Variants in HELLS observed in about 807,000 individuals in gnomAD.
HELLS encodes the protein lymphoid-specific helicase.
Under a neutral mutation model 120.0 loss-of-function variants are expected in HELLS, and 32 were observed. That is an observed-to-expected ratio of 0.27 (90% CI 0.20 to 0.36). HELLS has a LOEUF of 0.36. HELLS is among the 10% of genes least tolerant of loss of function. HELLS has a pLI of 1.00. For missense variants in HELLS, 650 were observed against 993.4 expected (o/e 0.65, Z 4.65); for synonymous variants, 341 against 323.4 (o/e 1.05, Z -0.58).
Position 94,546,099 on chromosome 10 carries a change from G to A in HELLS, c.31+147G>A, listed in dbSNP as rs1053627786. On this transcript the variant is annotated intron_variant, in intron 1 of 21. Coordinates refer to ENST00000348459, the MANE Select transcript of HELLS (RefSeq NM_018063.5). ...GAGGGTTGGGAAACTGCAACGGTGA[G>A]TGGAGGACACCCCGGAATCGCACGT... is the stretch of plus-strand genomic sequence containing the variant. 14 of 954,774 alleles carry A rather than the reference G, an allele frequency of 1.5e-5. No individual in the cohort carries two copies. In the African/African-American group the frequency reaches 2.3e-4, roughly 16 times the overall value. 59.1% of individuals were successfully genotyped at this position (954,774 alleles called of 1,614,324 possible).
At position 94,593,606 on chromosome 10, in the gene HELLS, T is replaced by C. The variant is rs1360202474; in HGVS notation, c.2079T>C (p.Asp693=). The C allele has an allele frequency of 1.3e-6, 2 of 1,573,406 alleles. No individual in the cohort carries two copies. Among genetic ancestry groups the C allele is most frequent in the South Asian group, 2.2e-5 (2 of 90,292 alleles). The change falls in exon 18 of 22, where the codon GAT becomes GAC. Residue 693 remains aspartate (D), a synonymous_variant. Transcript: ENST00000348459. ...LTAADTVIIY[D]SDWNPQSDLQ... is the part of the protein sequence containing the mutation. The stretch of plus-strand genomic sequence containing the variant: ...CAGCAGATACAGTTATCATTTATGA[T>C]AGTGATTGGGTAAGTTGGAAGTATA...
intron 7 of HELLS, among the ~76,000 whole-genome samples, chr10:94,573,224 C>G (rs753384471): frequency 4.6e-5 from 7 of 152,182 alleles, no homozygotes; most frequent in Non-Finnish European, 1.0e-4. Context: ...TCCCAAAATG[C>G]TGGGATTACA....
intron 9 of HELLS, among the ~76,000 whole-genome samples, chr10:94,608,937 A>C (rs1290483441): frequency 6.6e-6 from 1 of 150,644 alleles, no homozygotes; most frequent in Non-Finnish European, 1.5e-5. Flanking sequence ...CACCCAGCCC[A>C]CAATTTTCTT....
At chr10:94,556,309 T>G (rs552255110) in intron 3 of HELLS, among the ~76,000 whole-genome samples, 1 of 152,312 alleles carries the variant, frequency 6.6e-6, no homozygotes, top group Non-Finnish European at 1.5e-5. Context: ...CTGAGTTTGT[T>G]TTTTTCTCAA....
intron 10 of HELLS, among the ~76,000 whole-genome samples, chr10:94,578,642 C>T (rs1015031277): frequency 6.6e-6 from 1 of 152,058 alleles, no homozygotes; most frequent in Admixed American, 6.6e-5. Context: ...TGCAGTGAGC[C>T]GAGATCATGC....
At chr10:94,612,026 C>A (rs1279752033) in exon 10 of HELLS, 1 of 152,152 alleles carries the variant, frequency 6.6e-6, no homozygotes, top group Non-Finnish European at 1.5e-5. Context: ...TGCATTGCTT[C>A]AGGGGATGAT....
At chr10:94,600,292 T>TTA (rs548798156) in intron 21 of HELLS, among the ~76,000 whole-genome samples, 2 of 139,882 alleles carry the variant, frequency 1.4e-5, no homozygotes, top group Non-Finnish European at 3.1e-5. Flanking sequence ...CTCTGTCTCT[T>TTA]AAAAAAAAAA....
At chr10:94,588,452 C>T in intron 13 of HELLS, 62 bp downstream of exon 13, 2 of 1,264,890 alleles carry the variant, frequency 1.6e-6, no homozygotes, top group African/African-American at 1.5e-5. Context: ...TCTTTTTTCC[C>T]TTTTTTTTTG....
At chr10:94,593,758 G>C (rs924623601) in intron 18 of HELLS, 143 bp downstream of exon 18, 1 of 567,542 alleles carries the variant, frequency 1.8e-6, no homozygotes, top group African/African-American at 1.9e-5. Context: ...CACCTCCTGG[G>C]TTCAAGTGAT....
chr10:94,585,850 G>A (rs1449895947), intron 12 of HELLS, among the ~76,000 whole-genome samples: 2 of 152,206 alleles, frequency 1.3e-5, no homozygotes, highest in Admixed American at 1.3e-4. Context: ...TGGAACCAAA[G>A]GTGCATGCCA....
intron 11 of HELLS, 61 bp downstream of exon 11, chr10:94,581,583 CT>C: frequency 8.2e-7 from 1 of 1,215,560 alleles, no homozygotes; most frequent in Non-Finnish European, 1.1e-6. Flanking sequence ...GTTAAAATTA[CT>C]TTCTTTTCAG....
exon 10 of HELLS, chr10:94,612,725 A>G (rs1846205797): frequency 6.6e-6 from 1 of 152,194 alleles, no homozygotes; most frequent in African/African-American, 2.4e-5. Context: ...CAGGAGTTTG[A>G]AACTAGTCTG....
intron 6 of HELLS, among the ~76,000 whole-genome samples, chr10:94,566,276 T>A (rs1438562889): frequency 6.6e-6 from 1 of 152,128 alleles, no homozygotes; most frequent in Non-Finnish European, 1.5e-5. Flanking sequence ...ATGATATCTG[T>A]GTTGTGACTT....
At chr10:94,592,857 CTG>C (rs1241399973) in intron 17 of HELLS, among the ~76,000 whole-genome samples, 1 of 150,742 alleles carries the variant, frequency 6.6e-6, no homozygotes, top group African/African-American at 2.4e-5. Flanking sequence ...AAAAAAGCAA[CTG>C]TAAATCCGCC....
intron 2 of HELLS, among the ~76,000 whole-genome samples, chr10:94,548,349 G>A (rs1842836731): frequency 6.6e-6 from 1 of 152,140 alleles, no homozygotes. Context: ...AAGTCTAAGA[G>A]GGATGTGATA....
At chr10:94,596,130 AT>A (rs765739314) in intron 19 of HELLS, among the ~76,000 whole-genome samples, 9 of 151,904 alleles carry the variant, frequency 5.9e-5, no homozygotes, top group Non-Finnish European at 1.2e-4. Flanking sequence ...CCTATTTTCG[AT>A]TTTTTAGTAG....
chr10:94,556,900 C>CTCAA (rs369060697), intron 3 of HELLS, among the ~76,000 whole-genome samples: 104 of 152,338 alleles, frequency 6.8e-4, no homozygotes, highest in African/African-American at 2.4e-3. Flanking sequence ...GACTGCCTCC[C>CTCAA]TCAATCCCAT....
intron 2 of HELLS, among the ~76,000 whole-genome samples, chr10:94,551,226 T>C (rs1842967658): frequency 1.3e-5 from 2 of 152,190 alleles, no homozygotes; most frequent in Middle Eastern, 3.2e-3. Flanking sequence ...TGCATTACTT[T>C]TGTTAGGTCC....
Position 94,576,924 on chromosome 10 carries a change from AT to A in HELLS, c.1032+121del. ...TTTTTTTTTGTTGTCGAAATAATAG[AT>A]TATATTGTGCATATACCTGTAGAAG... On this transcript the variant is annotated intron_variant, in intron 10 of 21. Transcript: ENST00000348459. The A allele has an allele frequency of 1.2e-5, 10 of 855,276 alleles. No homozygotes were observed. The South Asian group carries it at 1.9e-4, about 16-fold the overall frequency. 53.0% of individuals were successfully genotyped at this position (855,276 alleles called of 1,614,324 possible).
Sources: allele counts gnomAD v4.1 joint callset (sites outside exome capture counted in the v4.1 genomes callset), GRCh38; gene constraint gnomAD v4.1.1; transcripts MANE v1.5; gene names NCBI Gene and HGNC (gene_info 2026-07-23, HGNC 2026-07-21).